The following MYOZ2 variants were observed in gnomAD, a reference collection of about 807,000 sequenced individuals.
MYOZ2 encodes the protein myozenin-2.
A neutral mutation model predicts 25.4 loss-of-function variants in MYOZ2; 19 were observed. The ratio of observed to expected loss-of-function variants is 0.75; its 90% CI spans 0.52 to 1.10. MYOZ2 has a LOEUF of 1.10. Ranked by LOEUF, MYOZ2 falls within the 50% of genes least tolerant of loss-of-function variation. The pLI is 0.00. For synonymous variants in MYOZ2, 92 were observed against 106.9 expected (o/e 0.86, Z 0.86); for missense variants, 270 against 317.9 (o/e 0.85, Z 1.15).
chr4:119,136,500 T>C lies in MYOZ2; in HGVS notation c.-14-12T>C. 6.2e-7 allele frequency: 1 copy of C among 1,607,398 alleles called. No homozygotes were observed. The highest frequency in any genetic ancestry group is 8.5e-7 in the Non-Finnish European group (1 of 1,174,396). ...TCACATTGCCTCAATAATGTCCCTT[T>C]GTTTTTAACAGGGAACAAAAAAACC... is the stretch of plus-strand genomic sequence containing the variant. On this transcript the variant is annotated splice_polypyrimidine_tract_variant and intron_variant, in intron 1 of 5. Transcript: ENST00000307128.
At chr4:119,182,750 C>T (rs1001675583) in intron 5 of MYOZ2, among the ~76,000 whole-genome samples, 3 of 152,144 alleles carry the variant, frequency 2.0e-5, no homozygotes, top group Non-Finnish European at 2.9e-5. Context: ...ACTCACCCTC[C>T]GCTCACCTTC....
rs1440401420 is a variant in MYOZ2, at chr4:119,187,347, G to C, written c.*1147G>C. 1.3e-5 allele frequency: 2 copies of C among 152,060 alleles called. No homozygotes were observed. Among genetic ancestry groups the C allele is most frequent in the African/African-American group, 4.8e-5 (2 of 41,420 alleles). The allele number at this position is 152,060 out of a possible 1,614,324, so 9.4% of individuals were successfully genotyped here. ...ACTTCTGTGATAGATGTTTATAGCA[G>C]AGAAGAAATGTCTCATCAATAGAAA... On this transcript the variant is annotated 3_prime_UTR_variant, in exon 6 of 6. Coordinates refer to ENST00000307128, the MANE Select transcript of MYOZ2 (RefSeq NM_016599.5).
intron 5 of MYOZ2, among the ~76,000 whole-genome samples, chr4:119,168,608 T>C (rs893613525): frequency 5.9e-5 from 9 of 152,054 alleles, no homozygotes; most frequent in Non-Finnish European, 1.3e-4. Context: ...CTGGTGGAAA[T>C]AGCAAGACAA....
At chr4:119,145,497 C>G (rs1283440591) in intron 2 of MYOZ2, among the ~76,000 whole-genome samples, 1 of 138,314 alleles carries the variant, frequency 7.2e-6, no homozygotes, top group Non-Finnish European at 1.6e-5. Context: ...CCACCATGCC[C>G]AGCTAAAACT....
At chr4:119,143,150 C>T (rs1741207631) in intron 2 of MYOZ2, among the ~76,000 whole-genome samples, 1 of 151,920 alleles carries the variant, frequency 6.6e-6, no homozygotes, top group Middle Eastern at 3.2e-3. Flanking sequence ...TTTTAAAGGT[C>T]TGAGCTCTTA....
intron 3 of MYOZ2, among the ~76,000 whole-genome samples, chr4:119,153,678 A>G (rs1032367259): frequency 6.6e-6 from 1 of 152,006 alleles, no homozygotes; most frequent in Non-Finnish European, 1.5e-5. Flanking sequence ...TGAAAATATA[A>G]ACCACCCCCC....
intron 5 of MYOZ2, among the ~76,000 whole-genome samples, chr4:119,173,260 T>C (rs1741982820): frequency 6.6e-6 from 1 of 152,176 alleles, no homozygotes; most frequent in African/African-American, 2.4e-5. Context: ...GAGGATGAAA[T>C]AGAAAAATCA....
chr4:119,180,656 C>T (rs949070493), intron 5 of MYOZ2, among the ~76,000 whole-genome samples: 2 of 152,142 alleles, frequency 1.3e-5, no homozygotes, highest in Non-Finnish European at 2.9e-5. Flanking sequence ...TGGGTTCAAG[C>T]GATTCTCTTG....
At chr4:119,180,434 C>G (rs1403912606) in intron 5 of MYOZ2, among the ~76,000 whole-genome samples, 1 of 152,156 alleles carries the variant, frequency 6.6e-6, no homozygotes, top group African/African-American at 2.4e-5. Flanking sequence ...CCCTGCCTGC[C>G]AGCTAATACT....
chr4:119,143,135 T>A (rs538860900), intron 2 of MYOZ2, among the ~76,000 whole-genome samples: 1 of 152,146 alleles, frequency 6.6e-6, no homozygotes, highest in East Asian at 1.9e-4. Flanking sequence ...CATGGCTTAA[T>A]TACCTTTTAA....
At chr4:119,176,150 A>G (rs924687189) in intron 5 of MYOZ2, among the ~76,000 whole-genome samples, 9 of 152,200 alleles carry the variant, frequency 5.9e-5, no homozygotes, top group African/African-American at 2.2e-4. Context: ...ATTCCCTAGC[A>G]TGCAGCATTG....
chr4:119,171,810 CACACAA>C (rs1190562220), intron 5 of MYOZ2, among the ~76,000 whole-genome samples: 1 of 123,006 alleles, frequency 8.1e-6, no homozygotes, highest in Non-Finnish European at 1.9e-5. Flanking sequence ...TTTTTCCAAA[CACACAA>C]ACACACACAC....
chr4:119,144,487 G>T (rs959166100), intron 2 of MYOZ2, among the ~76,000 whole-genome samples: 2 of 152,150 alleles, frequency 1.3e-5, no homozygotes, highest in African/African-American at 2.4e-5. Flanking sequence ...GTATTGCAGG[G>T]TAGTTCTGCA....
chr4:119,149,369 A>G (rs772935476), intron 2 of MYOZ2, among the ~76,000 whole-genome samples: 5 of 152,250 alleles, frequency 3.3e-5, no homozygotes, highest in Non-Finnish European at 5.9e-5. Flanking sequence ...GCTCCCCACA[A>G]GATCTTAACG....
intron 2 of MYOZ2, among the ~76,000 whole-genome samples, chr4:119,149,560 T>G (rs974986120): frequency 2.6e-5 from 4 of 152,224 alleles, no homozygotes; most frequent in African/African-American, 9.6e-5. Flanking sequence ...GCCATCATCT[T>G]CAGCTTCAAG....
chr4:119,171,687 A>G (rs1741950127), intron 5 of MYOZ2, among the ~76,000 whole-genome samples: 1 of 150,120 alleles, frequency 6.7e-6, no homozygotes, highest in Non-Finnish European at 1.5e-5. Flanking sequence ...TTTGTCATAC[A>G]ACTATTATAC....
intron 2 of MYOZ2, among the ~76,000 whole-genome samples, chr4:119,145,284 C>G (rs12513017): frequency 0.59 from 88,691 of 149,628 alleles, 28,515 homozygotes; most frequent in Non-Finnish European, 0.72. Context: ...TTTGCTTCTA[C>G]GTGTATGTGG....
intron 5 of MYOZ2, among the ~76,000 whole-genome samples, chr4:119,176,302 C>T (rs1246541206): frequency 1.3e-5 from 2 of 151,008 alleles, no homozygotes; most frequent in African/African-American, 4.9e-5. Context: ...CTCACTGCAA[C>T]CTCCACCTCC....
rs140422232 is a variant in MYOZ2, at chr4:119,187,153, T to C, written c.*953T>C. The C allele has an allele frequency of 1.3e-5, 2 of 152,300 alleles. No homozygotes were observed. Among genetic ancestry groups the C allele is most frequent in the Non-Finnish European group, 2.9e-5 (2 of 68,016 alleles). 9.4% of individuals were successfully genotyped at this position (152,300 alleles called of 1,614,324 possible). ...CAAACAAAAACAAAGGGCATGAAAG[T>C]ATCTGAAAGCAATGTAGCACATATC... On this transcript the variant is annotated 3_prime_UTR_variant, in exon 6 of 6. Transcript: ENST00000307128.
Sources: allele counts gnomAD v4.1 joint callset (sites outside exome capture counted in the v4.1 genomes callset), GRCh38; gene constraint gnomAD v4.1.1; transcripts MANE v1.5; gene names NCBI Gene and HGNC (gene_info 2026-07-23, HGNC 2026-07-21).